UBE2F: variants seen among roughly 807,000 people sequenced by gnomAD.
The protein encoded by UBE2F is ubiquitin conjugating enzyme E2 F (putative).
UBE2F carries 5 observed loss-of-function variants against 29.6 expected under a neutral mutation model. That is an observed-to-expected ratio of 0.17 (90% confidence interval 0.09 to 0.36). UBE2F has a LOEUF of 0.36. Among genes scored for constraint, UBE2F ranks in the 10% least tolerant of loss-of-function variants. The pLI, the probability that UBE2F is intolerant of heterozygous loss-of-function variation, is 1.00. For missense variants in UBE2F, 141 were observed against 228.5 expected, an observed-to-expected ratio of 0.62 and a Z score of 2.47; for synonymous variants, 66 against 81.8, an observed-to-expected ratio of 0.81 and a Z score of 1.04.
intron 4 of UBE2F, among the ~76,000 whole-genome samples, chr2:238,001,129 G>C (rs2063785154): frequency 6.7e-6 from 1 of 148,984 alleles, no homozygotes; most frequent in Admixed American, 6.9e-5. Flanking sequence ...CCGCTTCCTG[G>C]TTCAAGCGAT....
At position 237,967,029 on chromosome 2, in the gene UBE2F, G is replaced by A. The variant is rs1489855623; in HGVS notation, c.-120G>A. The A allele has an allele frequency of 2.3e-6, 3 of 1,280,140 alleles. No individual in the cohort carries two copies. The highest frequency in any genetic ancestry group is 3.3e-5 in the East Asian group (1 of 30,636). The allele number at this position is 1,280,140 out of a possible 1,614,324, so 79.3% of individuals were successfully genotyped here. On this transcript the variant is annotated 5_prime_UTR_variant, in exon 1 of 10. Transcript: ENST00000272930. This position sits in a 1 kb window ranked among gnomAD's most constrained non-coding sequence, Gnocchi z 6.3. ...CCGCCCCGCCACTTCCGGTCCCGCC[G>A]CCGGGAGCCGGTGCGGCTGTGAGGG... is the stretch of plus-strand genomic sequence containing the variant.
chr2:237,967,120 TC>T lies in UBE2F; in HGVS notation c.-28del. 7.5e-7 allele frequency: 1 copy of T among 1,335,392 alleles called. No homozygotes were observed. Among genetic ancestry groups the T allele is most frequent in the Non-Finnish European group, 9.6e-7 (1 of 1,039,168 alleles). 82.7% of individuals were successfully genotyped at this position (1,335,392 alleles called of 1,614,324 possible). A position where few individuals can be genotyped will look rare whatever the true frequency, so the allele number is the denominator to read the frequency against. On this transcript the variant is annotated 5_prime_UTR_variant, in exon 1 of 10. The change abolishes the stop of an existing upstream ORF in the 5' untranslated region. Coordinates refer to ENST00000272930, the MANE Select transcript of UBE2F (RefSeq NM_080678.3). This position sits in a 1 kb window ranked among gnomAD's most constrained non-coding sequence, Gnocchi z 6.3. ...GGGCGCCGGGCCCGCCTCGCCTGTC[TC>T]GGGGAGCCCAGGTGAGGAGCGACCG...
chr2:238,006,072 G>A (rs2063898138), intron 4 of UBE2F, among the ~76,000 whole-genome samples: 1 of 152,186 alleles, frequency 6.6e-6, no homozygotes. Context: ...GTGAAGAAGA[G>A]GCTAATTTTG....
intron 9 of UBE2F, among the ~76,000 whole-genome samples, chr2:238,036,528 G>A (rs1294623481): frequency 6.6e-6 from 1 of 152,036 alleles, no homozygotes; most frequent in African/African-American, 2.4e-5. Flanking sequence ...TTTAGTATGA[G>A]TAATTTAAAA....
At chr2:237,985,569 C>T (rs2063465234) in intron 2 of UBE2F, among the ~76,000 whole-genome samples, 2 of 152,220 alleles carry the variant, frequency 1.3e-5, no homozygotes, top group African/African-American at 4.8e-5. Flanking sequence ...AACATATATA[C>T]TGTGTGTACC....
At chr2:238,041,222 C>A in intron 9 of UBE2F, 66 bp from the exon 10 acceptor site, 1 of 1,493,832 alleles carries the variant, frequency 6.7e-7, no homozygotes, top group Non-Finnish European at 9.3e-7. Context: ...GTCCCTGAAG[C>A]GCTGCTTCAC....
At chr2:238,026,155 G>GCCCCCA (rs2064423014) in intron 6 of UBE2F, among the ~76,000 whole-genome samples, 3 of 152,094 alleles carry the variant, frequency 2.0e-5, no homozygotes, top group African/African-American at 7.2e-5. Context: ...CGCCGCCCCC[G>GCCCCCA]CCCCCACCCC....
rs977639166 is a variant in UBE2F at position 237,997,761 on chromosome 2, C to T, written c.214+2952C>T. On this transcript the variant is annotated intron_variant, in intron 4 of 9. Coordinates refer to ENST00000272930, the MANE Select transcript of UBE2F (RefSeq NM_080678.3). ...GCTAACATTTTGATAGTTTTGTTTG[C>T]TTTTGGAGTGGTTGCTCATGCTTGG... is the stretch of plus-strand genomic sequence containing the variant. Among the ~76,000 whole-genome samples, 74 of 152,056 alleles carry T rather than the reference C, an allele frequency of 4.9e-4. 2 individuals carry two copies. Among genetic ancestry groups the T allele is most frequent in the African/African-American group, 1.8e-3 (74 of 41,408 alleles).
rs1377378153 is a variant in UBE2F at position 238,026,641 on chromosome 2, G to A, written c.353+1229G>A. Among the ~76,000 whole-genome samples the A allele has an allele frequency of 3.9e-5, 6 of 152,120 alleles. 1 individual carries two copies. The highest frequency in any genetic ancestry group is 3.9e-4 in the Admixed American group (6 of 15,276). ...GTAGAGACTGGGTTTCACTGTGTTA[G>A]CCAGGATGGTCTCAATCTCCTGACC... On this transcript the variant is annotated intron_variant, in intron 6 of 9. Transcript: ENST00000272930.
chr2:238,038,772 CAT>C (rs1377883864), intron 9 of UBE2F, among the ~76,000 whole-genome samples: 2 of 152,258 alleles, frequency 1.3e-5, no homozygotes, highest in African/African-American at 4.8e-5. Flanking sequence ...CGTGCGGAGT[CAT>C]AGTCACAGCT....
chr2:238,029,326 C>T (rs6431576), intron 6 of UBE2F, among the ~76,000 whole-genome samples: 126,568 of 151,604 alleles, frequency 0.83, 52,937 homozygotes, highest in East Asian at 0.97. Context: ...TGGTGGCTCA[C>T]GCCTGTAATC....
At chr2:237,968,724 G>A (rs1307840641) in intron 1 of UBE2F, 15 of 387,590 alleles carry the variant, frequency 3.9e-5, no homozygotes, top group Non-Finnish European at 5.3e-5. Flanking sequence ...CCCAGAGGAG[G>A]AACCTAACTG....
In UBE2F at chr2:238,016,561, G is replaced by A; in HGVS notation, c.215-5G>A. ...TTTTTTGTTTTGTTTTGTGTTTTTT[G>A]ATAGATGAGGGTTACTACCAGGGTG... On this transcript the variant is annotated splice_region_variant and splice_polypyrimidine_tract_variant and intron_variant, in intron 4 of 9. Transcript: ENST00000272930. The A allele has an allele frequency of 6.2e-7, 1 of 1,601,282 alleles. No homozygotes were observed. The highest frequency in any genetic ancestry group is 8.5e-7 in the Non-Finnish European group (1 of 1,174,678).
intron 4 of UBE2F, among the ~76,000 whole-genome samples, chr2:238,010,990 G>A (rs1440959592): frequency 2.0e-5 from 3 of 152,102 alleles, no homozygotes; most frequent in African/African-American, 7.2e-5. Context: ...AAATTCTGGT[G>A]TTGCTGCCTT....
At chr2:238,041,256 T>C (rs1216738482) in intron 9 of UBE2F, 32 bp from the exon 10 acceptor site, 2 of 1,609,490 alleles carry the variant, frequency 1.2e-6, no homozygotes, top group Non-Finnish European at 1.7e-6. Context: ...CCTCCTGTTC[T>C]TCTTTCTGTC....
intron 2 of UBE2F, among the ~76,000 whole-genome samples, chr2:237,979,218 AG>A (rs2063337467): frequency 6.6e-6 from 1 of 152,176 alleles, no homozygotes; most frequent in African/African-American, 2.4e-5. Context: ...CCTGAGTCCC[AG>A]GTGGTTTCTA....
rs561621428 is a variant in UBE2F at position 238,003,922 on chromosome 2, A to G, written c.214+9113A>G. On this transcript the variant is annotated intron_variant, in intron 4 of 9. Coordinates refer to ENST00000272930, the MANE Select transcript of UBE2F (RefSeq NM_080678.3). Reference sequence around the variant, plus strand: ...GATCTGCTTTGTAGATCCCCTCTCCATCCCCAGCCCCTGGCAATCATCGAC... The same window carrying G: ...GATCTGCTTTGTAGATCCCCTCTCCGTCCCCAGCCCCTGGCAATCATCGAC... Among the ~76,000 whole-genome samples, 5 of 152,204 alleles carry G rather than the reference A, an allele frequency of 3.3e-5. No homozygotes were observed. In the South Asian group the frequency reaches 1.0e-3, roughly 32 times the overall value.
chr2:237,974,283 G>A (rs918001571), intron 2 of UBE2F, among the ~76,000 whole-genome samples: 4 of 151,052 alleles, frequency 2.6e-5, no homozygotes, highest in African/African-American at 7.3e-5. Flanking sequence ...TCAGCCTCTC[G>A]AGTACCAAGC....
chr2:237,974,946 G>A (rs1356318274), intron 2 of UBE2F, among the ~76,000 whole-genome samples: 2 of 146,564 alleles, frequency 1.4e-5, no homozygotes, highest in African/African-American at 5.1e-5. Flanking sequence ...ACTGTGCCCG[G>A]CCATAAATGG....
Sources: allele counts gnomAD v4.1 joint callset (sites outside exome capture counted in the v4.1 genomes callset), GRCh38; gene constraint gnomAD v4.1.1; non-coding constraint Gnocchi (gnomAD v3.1); transcripts MANE v1.5; gene names NCBI Gene and HGNC (gene_info 2026-07-23, HGNC 2026-07-21).